Variants in LAMC1 observed in about 807,000 individuals in gnomAD.
LAMC1 encodes laminin subunit gamma-1.
Under a neutral mutation model 173.6 loss-of-function variants are expected in LAMC1, and 38 were observed. The observed-to-expected ratio is 0.22, with a 90% CI of 0.17 to 0.29. The LOEUF (loss-of-function observed/expected upper bound fraction) is 0.29, where lower values mean the gene tolerates loss of function less well. Ranked by LOEUF, LAMC1 falls within the 10% of genes least tolerant of loss-of-function variation. The probability of loss-of-function intolerance (pLI) is 1.00; values close to 1 mark genes in which losing one functional copy is unlikely to be tolerated. For missense variants in LAMC1, 1,824 were observed against 2,051.8 expected (o/e 0.89, Z 2.14); for synonymous variants, 746 against 749.1 (o/e 1.00, Z 0.07).
Position 183,080,025 on chromosome 1 carries a change from C to T in LAMC1, c.419-23303C>T, listed in dbSNP as rs140950826. ...TTGAGGAGCCGAGATGGGTGGATCACCTGAGGTCAGGAGTTCGAGACTAGG... is the reference window on the plus strand; with the variant it reads ...TTGAGGAGCCGAGATGGGTGGATCATCTGAGGTCAGGAGTTCGAGACTAGG... On this transcript the variant is annotated intron_variant, in intron 1 of 27. Coordinates refer to ENST00000258341, the MANE Select transcript of LAMC1 (RefSeq NM_002293.4). Among the ~76,000 whole-genome samples the T allele has an allele frequency of 5.3e-3, 813 of 152,138 alleles. 5 individuals are homozygous for T. Among genetic ancestry groups the T allele is most frequent in the African/African-American group, 0.019 (785 of 41,496 alleles).
At chr1:183,107,863 A>G (rs1356686068) in intron 2 of LAMC1, among the ~76,000 whole-genome samples, 1 of 152,004 alleles carries the variant, frequency 6.6e-6, no homozygotes, top group Non-Finnish European at 1.5e-5. Context: ...GGGGCAGGCA[A>G]TGACCAGCAT....
intron 1 of LAMC1, among the ~76,000 whole-genome samples, chr1:183,035,294 A>G (rs1653951782): frequency 6.6e-6 from 1 of 152,094 alleles, no homozygotes; most frequent in South Asian, 2.1e-4. Context: ...GCTCAAACAA[A>G]CCTCCCACCT....
In LAMC1 at chr1:183,122,243, G is replaced by A. The variant is rs780749617; in HGVS notation, c.2393G>A (p.Gly798Asp). 2 of 1,613,970 alleles carry A rather than the reference G, an allele frequency of 1.2e-6. No homozygotes were observed. Among genetic ancestry groups the A allele is most frequent in the East Asian group, 4.5e-5 (2 of 44,874 alleles). Residue 798 changes from glycine to aspartate, a missense_variant, in exon 13 of 28, where the codon GGC becomes GAC. Gly to Asp is a moderately conservative substitution (Grantham distance 94). Coordinates refer to ENST00000258341, the MANE Select transcript of LAMC1 (RefSeq NM_002293.4). ...KEVVCTNCPTGTTGKRCELCD... is the reference protein window; with the variant it reads ...KEVVCTNCPTDTTGKRCELCD... The stretch of plus-strand genomic sequence containing the variant: ...GTGGTGTGCACCAACTGTCCTACTG[G>A]CACCACTGGTAAGTCTGCTCGCTTC...
At chr1:183,131,256 A>C in intron 19 of LAMC1, 43 bp from the exon 20 acceptor site, 1 of 1,486,282 alleles carries the variant, frequency 6.7e-7, no homozygotes, top group Non-Finnish European at 9.4e-7. Context: ...TTAAATGTAA[A>C]TAATTCAGTC....
intron 1 of LAMC1, among the ~76,000 whole-genome samples, chr1:183,081,345 C>G (rs1044175423): frequency 6.6e-6 from 1 of 151,896 alleles, no homozygotes; most frequent in Non-Finnish European, 1.5e-5. Flanking sequence ...CACCTGTAAT[C>G]CCAGCACTTT....
At chr1:183,084,302 C>T (rs564240191) in intron 1 of LAMC1, among the ~76,000 whole-genome samples, 4 of 151,514 alleles carry the variant, frequency 2.6e-5, no homozygotes, top group Admixed American at 6.6e-5. Context: ...AAGATCGCGC[C>T]GCCGCACTCC....
chr1:183,137,798 G>A lies in LAMC1; in HGVS notation c.4444G>A (p.Ala1482Thr), dbSNP rs780454306. 9 of 1,610,762 alleles carry A rather than the reference G, an allele frequency of 5.6e-6. No homozygotes were observed. Among genetic ancestry groups the A allele is most frequent in the Middle Eastern group, 1.7e-4 (1 of 6,058 alleles). The change falls in exon 26 of 28, where the codon GCT becomes ACT. Residue 1482 changes from alanine (A) to threonine (T), a missense_variant. Physicochemically the swap from Ala to Thr is moderately conservative, Grantham distance 58 (BLOSUM62 0). Coordinates refer to ENST00000258341, the MANE Select transcript of LAMC1 (RefSeq NM_002293.4). ...EKELKRKQDD[A>T]DQDMMMAGMA... ...AGAGCTAAAGAGAAAACAAGATGAC[G>A]CTGACCAGGACATGATGATGGCAGG...
rs1657176396 is a variant in LAMC1, at chr1:183,143,606, A to T, written c.*816A>T. ...TATAAATGGAACTTACACAGAAGAA[A>T]TAGGGATATGATAACCACTAAAATT... On this transcript the variant is annotated 3_prime_UTR_variant, in exon 28 of 28. Coordinates refer to ENST00000258341, the MANE Select transcript of LAMC1 (RefSeq NM_002293.4). The T allele has an allele frequency of 6.6e-6, 1 of 152,560 alleles. No individual in the cohort carries two copies. The highest frequency in any genetic ancestry group is 2.1e-4 in the South Asian group (1 of 4,832). 9.5% of individuals were successfully genotyped at this position (152,560 alleles called of 1,614,324 possible). A position where few individuals can be genotyped will look rare whatever the true frequency, so the allele number is the denominator to read the frequency against.
At chr1:183,062,156 TCA>T (rs1010359410) in intron 1 of LAMC1, among the ~76,000 whole-genome samples, 38 of 152,370 alleles carry the variant, frequency 2.5e-4, no homozygotes, top group African/African-American at 9.1e-4. Flanking sequence ...GTTTCAATCT[TCA>T]CTTGGTTTCA....
intron 1 of LAMC1, among the ~76,000 whole-genome samples, chr1:183,095,958 C>G (rs1018424636): frequency 1.3e-5 from 2 of 152,138 alleles, no homozygotes; most frequent in Non-Finnish European, 2.9e-5. Flanking sequence ...GTTTGACATT[C>G]TAGTGTTCAG....
intron 1 of LAMC1, among the ~76,000 whole-genome samples, chr1:183,041,949 G>A (rs1251781362): frequency 3.9e-5 from 6 of 152,198 alleles, no homozygotes; most frequent in African/African-American, 1.2e-4. Flanking sequence ...GATGGAATTT[G>A]CCTTGTAGAT....
intron 1 of LAMC1, among the ~76,000 whole-genome samples, chr1:183,033,861 G>GT (rs750175259): frequency 6.6e-6 from 1 of 151,766 alleles, no homozygotes; most frequent in East Asian, 1.9e-4. Context: ...GCCCTGCTAG[G>GT]TTTTTTGTAT....
At chr1:183,025,950 C>T (rs1335089106) in intron 1 of LAMC1, among the ~76,000 whole-genome samples, 3 of 152,136 alleles carry the variant, frequency 2.0e-5, no homozygotes, top group Non-Finnish European at 2.9e-5. Context: ...GATTACTACC[C>T]TGTTGCAAAG....
At chr1:183,042,157 C>G (rs1654152822) in intron 1 of LAMC1, among the ~76,000 whole-genome samples, 1 of 152,174 alleles carries the variant, frequency 6.6e-6, no homozygotes, top group Admixed American at 6.5e-5. Flanking sequence ...TGGTTCAGGA[C>G]AGCAGGGTAG....
intron 25 of LAMC1, among the ~76,000 whole-genome samples, chr1:183,136,828 G>T (rs1483246710): frequency 1.3e-5 from 2 of 152,020 alleles, no homozygotes; most frequent in Non-Finnish European, 2.9e-5. Flanking sequence ...TCAGTGTGAG[G>T]TCTGGCTTCA....
At chr1:183,092,755 T>G (rs12073936) in intron 1 of LAMC1, among the ~76,000 whole-genome samples, 12,459 of 152,218 alleles carry the variant, frequency 0.082, 895 homozygotes, top group East Asian at 0.4. Context: ...GGAAGGCTTT[T>G]TTAGAGAACG....
At chr1:183,120,932 C>G (rs2102089765) in intron 11 of LAMC1, among the ~76,000 whole-genome samples, 1 of 152,248 alleles carries the variant, frequency 6.6e-6, no homozygotes, top group Non-Finnish European at 1.5e-5. Context: ...CCCTTGAACT[C>G]TGTAGTGCCT....
chr1:183,101,033 G>C (rs1374107985), intron 1 of LAMC1, among the ~76,000 whole-genome samples: 1 of 152,134 alleles, frequency 6.6e-6, no homozygotes, highest in Admixed American at 6.5e-5. Context: ...TCAGAGGGTG[G>C]CTTTGTAGTA....
intron 27 of LAMC1, among the ~76,000 whole-genome samples, chr1:183,142,181 T>A (rs1424218888): frequency 1.3e-5 from 2 of 152,210 alleles, no homozygotes; most frequent in African/African-American, 4.8e-5. Context: ...ACATAGAGTT[T>A]ACATGTATAC....
Sources: allele counts gnomAD v4.1 joint callset (sites outside exome capture counted in the v4.1 genomes callset), GRCh38; gene constraint gnomAD v4.1.1; transcripts MANE v1.5; gene names NCBI Gene and HGNC (gene_info 2026-07-23, HGNC 2026-07-21).